Variants in CCDC93 observed in about 807,000 individuals in gnomAD.
CCDC93 encodes the protein coiled-coil domain-containing protein 93.
Under a neutral mutation model 108.2 loss-of-function variants are expected in CCDC93, and 61 were observed. The ratio of observed to expected loss-of-function variants is 0.56; its 90% CI spans 0.46 to 0.70. The LOEUF (loss-of-function observed/expected upper bound fraction) is 0.70. Ranked by LOEUF, CCDC93 falls within the 30% of genes least tolerant of loss-of-function variation. The pLI is 0.00. For missense variants in CCDC93, 685 were observed against 764.2 expected (o/e 0.90, Z 1.22); for synonymous variants, 276 against 260.4 (o/e 1.06, Z -0.58).
chr2:117,949,329 C>G lies in CCDC93; in HGVS notation c.1135G>C (p.Asp379His). ...CATGCTGAAACCTCTTACCTTGGAT[C>G]AGCTTTGGATTCTATCTTCTCGAGG... ...AALEKIESKA[D>H]PSILQNLRAL... Residue 379 changes from aspartate to histidine, a missense_variant, in exon 14 of 24, where the codon GAT (aspartate) becomes CAT (histidine). By Grantham distance (81) the Asp-to-His change is moderately conservative (BLOSUM62 -1). Transcript: ENST00000376300. The G allele has an allele frequency of 6.2e-7, 1 of 1,611,888 alleles. No homozygotes were observed. The highest frequency in any genetic ancestry group is 8.5e-7 in the Non-Finnish European group (1 of 1,178,004).
chr2:117,934,325 G>T (rs534147909), intron 22 of CCDC93, among the ~76,000 whole-genome samples: 4 of 152,256 alleles, frequency 2.6e-5, no homozygotes, highest in African/African-American at 9.6e-5. Flanking sequence ...GGTCAGCCAG[G>T]TTCTCTGCCC....
intron 6 of CCDC93, 91 bp from the exon 7 acceptor site, chr2:117,986,160 CTTTTTTT>C (rs763304100): frequency 6.1e-5 from 17 of 276,570 alleles, no homozygotes; most frequent in Non-Finnish European, 8.9e-5. Flanking sequence ...GGTATATTCT[CTTTTTTT>C]TTTTTTTTTT....
At chr2:118,000,986 G>T in intron 3 of CCDC93, 54 bp from the exon 4 acceptor site, 2 of 1,074,446 alleles carry the variant, frequency 1.9e-6, no homozygotes, top group Non-Finnish European at 2.9e-6. Context: ...AGCCTTTATG[G>T]CATCTCTAAA....
At chr2:117,980,388 CT>C (rs1344222282) in intron 7 of CCDC93, among the ~76,000 whole-genome samples, 3 of 152,162 alleles carry the variant, frequency 2.0e-5, no homozygotes, top group African/African-American at 7.2e-5. Flanking sequence ...TCTGTGGAGA[CT>C]TTTAGGGCAG....
Position 117,978,443 on chromosome 2 carries a change from C to T in CCDC93, c.621-413G>A, listed in dbSNP as rs565663209. 9.2e-5 allele frequency among the ~76,000 whole-genome samples: 14 copies of T among 152,264 alleles called. 1 individual carries two copies. The South Asian group carries it at 2.9e-3, about 32-fold the overall frequency. ...TACTTCCATAACTTAGAGTCTAGCACACTTTTTATTCCCAAACATAATCCA... is the reference window on the plus strand; with the variant it reads ...TACTTCCATAACTTAGAGTCTAGCATACTTTTTATTCCCAAACATAATCCA... On this transcript the variant is annotated intron_variant, in intron 7 of 23. Transcript: ENST00000376300.
chr2:118,002,593 A>AG (rs1355981082), intron 3 of CCDC93, among the ~76,000 whole-genome samples: 1 of 152,186 alleles, frequency 6.6e-6, no homozygotes, highest in Non-Finnish European at 1.5e-5. Flanking sequence ...AAAATATGGA[A>AG]GGGGGGAGAT....
chr2:117,974,445 T>C (rs773080306), intron 10 of CCDC93, among the ~76,000 whole-genome samples: 1 of 152,170 alleles, frequency 6.6e-6, no homozygotes, highest in Non-Finnish European at 1.5e-5. Context: ...CCTTTCACAT[T>C]GGCTATACCT....
chr2:117,931,267 A>C (rs1678318432), intron 22 of CCDC93, 117 bp from the exon 23 acceptor site: 1 of 669,388 alleles, frequency 1.5e-6, no homozygotes, highest in South Asian at 1.9e-5. Context: ...CAGTAGAGGA[A>C]GCTTCAATAT....
chr2:117,946,876 T>A lies in CCDC93; in HGVS notation c.1231A>T (p.Met411Leu), dbSNP rs530152837. The A allele has an allele frequency of 3.7e-6, 6 of 1,611,126 alleles. No individual in the cohort carries two copies. The South Asian group carries it at 6.6e-5, about 18-fold the overall frequency. Residue 411 changes from methionine (M) to leucine (L), a missense_variant, in exon 16 of 24, where the codon ATG (methionine) becomes TTG (leucine). Transcript: ENST00000376300. ...TCAATTTCTTGCTGTAGTCGTGTCA[T>A]CTCCTCCTTTAAAAGTGACATGAAC... Reference protein sequence around the residue: ...QEFKAHCREEMTRLQQEIENL... With the variant: ...QEFKAHCREELTRLQQEIENL...
At chr2:117,932,811 G>A (rs1558770170) in intron 22 of CCDC93, among the ~76,000 whole-genome samples, 3 of 152,160 alleles carry the variant, frequency 2.0e-5, no homozygotes, top group Admixed American at 2.0e-4. Flanking sequence ...CTGTTCCTTC[G>A]TGGGCTCCAA....
chr2:117,966,812 T>G (rs1679595594), intron 11 of CCDC93, among the ~76,000 whole-genome samples: 1 of 152,218 alleles, frequency 6.6e-6, no homozygotes, highest in Admixed American at 6.5e-5. Flanking sequence ...AGAGAATGAT[T>G]CTCAGAATCA....
At chr2:117,937,303 A>G (rs1039351183) in intron 20 of CCDC93, among the ~76,000 whole-genome samples, 4 of 152,138 alleles carry the variant, frequency 2.6e-5, no homozygotes, top group African/African-American at 9.7e-5. Context: ...ATCTGCCCCA[A>G]TGATACAGTC....
chr2:118,009,396 A>C (rs1200004586), intron 1 of CCDC93, among the ~76,000 whole-genome samples: 1 of 151,676 alleles, frequency 6.6e-6, no homozygotes. Context: ...GGCCAGGCAC[A>C]GTGGCTCAGG....
At chr2:117,928,913 C>T (rs1006431015) in intron 23 of CCDC93, among the ~76,000 whole-genome samples, 40 of 152,228 alleles carry the variant, frequency 2.6e-4, no homozygotes, top group East Asian at 5.8e-4. Flanking sequence ...ATATACACCA[C>T]GGAATACTAT....
chr2:118,005,776 A>C (rs1485323034), intron 3 of CCDC93, among the ~76,000 whole-genome samples: 1 of 149,464 alleles, frequency 6.7e-6, no homozygotes, highest in Non-Finnish European at 1.5e-5. Flanking sequence ...AAGCTGGCTG[A>C]TCTGAGCTAC....
chr2:117,938,248 T>C (rs1053101634), intron 20 of CCDC93, among the ~76,000 whole-genome samples: 2 of 152,206 alleles, frequency 1.3e-5, no homozygotes, highest in African/African-American at 4.8e-5. Context: ...CAAATCTGAC[T>C]GACGCCAAAG....
chr2:117,944,787 A>C, intron 17 of CCDC93: 1 of 471,192 alleles, frequency 2.1e-6, no homozygotes, highest in Non-Finnish European at 4.4e-6. Context: ...AGAGTGCTGA[A>C]GCTCATTCTC....
At chr2:117,935,405 C>G (rs902628292) in intron 22 of CCDC93, 90 bp downstream of exon 22, 5 of 905,926 alleles carry the variant, frequency 5.5e-6, no homozygotes, top group Non-Finnish European at 9.0e-6. Flanking sequence ...GGCACACTCC[C>G]CAACTACCAG....
chr2:117,937,114 G>A (rs1411029589), intron 20 of CCDC93, among the ~76,000 whole-genome samples: 1 of 152,176 alleles, frequency 6.6e-6, no homozygotes, highest in Non-Finnish European at 1.5e-5. Context: ...TATTTTCAAG[G>A]ATAACAGCTT....
Sources: gnomAD v4.1 joint callset for allele counts (sites outside exome capture counted in the v4.1 genomes callset) on GRCh38, gnomAD v4.1.1 for gene constraint, MANE v1.5 for transcripts, NCBI Gene and HGNC (gene_info 2026-07-23, HGNC 2026-07-21) for gene names.